Variants in TRPS1 observed in about 807,000 individuals in gnomAD.
The protein encoded by TRPS1 is transcriptional repressor GATA binding 1, also known as zinc finger transcription factor Trps1.
TRPS1 carries 6 observed loss-of-function variants against 101.2 expected under a neutral mutation model. That is an observed-to-expected ratio of 0.06 (90% CI 0.03 to 0.12). TRPS1 has a LOEUF of 0.12. Among genes scored for constraint, TRPS1 ranks in the 10% least tolerant of loss-of-function variants. TRPS1 has a pLI of 1.00. For missense variants in TRPS1, 1,363 were observed against 1,567.0 expected (o/e 0.87, Z 2.20); for synonymous variants, 578 against 589.8 (o/e 0.98, Z 0.29).
intron 5 of TRPS1, among the ~76,000 whole-genome samples, chr8:115,499,634 G>T (rs1815251764): frequency 6.6e-6 from 1 of 152,180 alleles, no homozygotes; most frequent in Non-Finnish European, 1.5e-5. Flanking sequence ...ACAAGCTAGG[G>T]ATTGACTCCT....
In TRPS1 at chr8:115,435,104, C is replaced by T. The variant is rs10505253; in HGVS notation, c.2701-16652G>A. Among the ~76,000 whole-genome samples, 643 of 152,076 alleles carry T rather than the reference C, an allele frequency of 4.2e-3. 10 individuals are homozygous for T. The highest frequency in any genetic ancestry group is 0.025 in the Admixed American group (382 of 15,270). On this transcript the variant is annotated intron_variant, in intron 5 of 6. Transcript: ENST00000395715. ...TATTAAACAAAGATGACAAGGCCTC[C>T]GAGTTTATACTTATGTTTCTACTTC...
intron 5 of TRPS1, among the ~76,000 whole-genome samples, chr8:115,565,592 C>T (rs1379048749): frequency 2.0e-5 from 3 of 150,594 alleles, no homozygotes; most frequent in Non-Finnish European, 4.4e-5. Flanking sequence ...AGTGAGTTCG[C>T]CAAAGTACTA....
At chr8:115,621,249 C>T (rs1490034123) in intron 2 of TRPS1, among the ~76,000 whole-genome samples, 1 of 152,200 alleles carries the variant, frequency 6.6e-6, no homozygotes, top group Non-Finnish European at 1.5e-5. Context: ...CTGTCGAGTG[C>T]TGTGTAAGTC....
At chr8:115,467,217 A>G (rs1167417064) in intron 5 of TRPS1, among the ~76,000 whole-genome samples, 1 of 152,152 alleles carries the variant, frequency 6.6e-6, no homozygotes, top group African/African-American at 2.4e-5. Context: ...TTTACAAGTT[A>G]CTTGATTCTG....
At chr8:115,520,795 G>T (rs966294999) in intron 5 of TRPS1, among the ~76,000 whole-genome samples, 1 of 151,766 alleles carries the variant, frequency 6.6e-6, no homozygotes, top group Non-Finnish European at 1.5e-5. Flanking sequence ...AGGTTAATGT[G>T]CCATTACCTT....
intron 4 of TRPS1, among the ~76,000 whole-genome samples, chr8:115,589,508 A>AC (rs1396765442): frequency 6.6e-6 from 1 of 152,248 alleles, no homozygotes; most frequent in African/African-American, 2.4e-5. Flanking sequence ...ATCCATATTT[A>AC]CTTTTTACAG....
chr8:115,645,623 C>CA (rs1431962388), intron 1 of TRPS1, among the ~76,000 whole-genome samples: 4 of 151,834 alleles, frequency 2.6e-5, no homozygotes, highest in African/African-American at 9.7e-5. Flanking sequence ...GAAATTAATG[C>CA]AAAAAAGTTA....
intron 1 of TRPS1, chr8:115,667,942 C>T: frequency 6.5e-7 from 1 of 1,531,428 alleles, no homozygotes; most frequent in Non-Finnish European, 8.7e-7. Context: ...GCAGTGGCGG[C>T]GGCGGCGGCG....
intron 5 of TRPS1, among the ~76,000 whole-genome samples, chr8:115,572,462 T>G (rs1449692042): frequency 1.4e-5 from 2 of 147,938 alleles, no homozygotes; most frequent in Non-Finnish European, 3.0e-5. Context: ...TTTTTTTTTG[T>G]TATTGTTGTT....
At chr8:115,627,814 A>G (rs1478688389) in intron 1 of TRPS1, among the ~76,000 whole-genome samples, 1 of 151,808 alleles carries the variant, frequency 6.6e-6, no homozygotes, top group Non-Finnish European at 1.5e-5. Flanking sequence ...TTCTCCCTTA[A>G]TAAATCTGTG....
rs1016917526 is a variant in TRPS1, at chr8:115,604,649, A to G, written c.1320T>C (p.Gly440=). 14 of 1,613,862 alleles carry G rather than the reference A, an allele frequency of 8.7e-6. No individual in the cohort carries two copies. The highest frequency in any genetic ancestry group is 1.2e-5 in the Non-Finnish European group (14 of 1,179,988). ...ACCAGTAGTAACTGGTGGCCTCTGT[A>G]CCATTTTGTCTAGAGGAATCGAGGG... The part of the protein sequence containing the change: ...IKPLDSSRQN[G]TEATSYYWCK... The change falls in exon 4 of 7, where the codon GGT becomes GGC. Residue 440 remains glycine, a synonymous_variant. Coordinates refer to ENST00000395715, the MANE Select transcript of TRPS1 (RefSeq NM_014112.5). The surrounding 1 kb of genome is among the most constrained non-coding windows in gnomAD (Gnocchi z 4.1).
At chr8:115,550,713 G>T (rs1216978132) in intron 5 of TRPS1, among the ~76,000 whole-genome samples, 1 of 152,112 alleles carries the variant, frequency 6.6e-6, no homozygotes, top group East Asian at 1.9e-4. Flanking sequence ...TGTTCTATTT[G>T]ACTTCTAAAG....
At chr8:115,459,165 G>A (rs1206444938) in intron 5 of TRPS1, among the ~76,000 whole-genome samples, 2 of 151,950 alleles carry the variant, frequency 1.3e-5, no homozygotes, top group African/African-American at 2.4e-5. Flanking sequence ...GTGAAACCCC[G>A]TCTCTACTAA....
intron 5 of TRPS1, among the ~76,000 whole-genome samples, chr8:115,504,168 A>AGAAAT (rs1367043340): frequency 6.6e-6 from 1 of 152,204 alleles, no homozygotes; most frequent in Admixed American, 6.5e-5. Flanking sequence ...CTCCAACTTC[A>AGAAAT]GAAATGTATT....
rs1357791484 is a variant in TRPS1, at chr8:115,604,074, C to A, written c.1895G>T (p.Cys632Phe). ...SSRVKHQCHQCSFTTPDVDVL... is the reference protein window; with the variant it reads ...SSRVKHQCHQFSFTTPDVDVL... The stretch of plus-strand genomic sequence containing the variant: ...ATCTACGTCAGGGGTGGTGAATGAA[C>A]ACTGATGGCACTGATGTTTGACTCG... The change falls in exon 4 of 7, where the codon TGT becomes TTT. Residue 632 changes from cysteine to phenylalanine, a missense_variant. By Grantham distance (205) the Cys-to-Phe change is radical (BLOSUM62 -2). Around this residue, in one of 5 missense-constraint regions of TRPS1, gnomAD observed 1,020 missense variants for 1,073.0 expected, o/e 0.95. Transcript: ENST00000395715. This position sits in a 1 kb window ranked among gnomAD's most constrained non-coding sequence, Gnocchi z 4.1. The A allele has an allele frequency of 6.2e-7, 1 of 1,614,042 alleles. No homozygotes were observed. Among genetic ancestry groups the A allele is most frequent in the Admixed American group, 1.7e-5 (1 of 59,972 alleles).
intron 5 of TRPS1, among the ~76,000 whole-genome samples, chr8:115,483,845 C>G (rs747533059): frequency 2.6e-5 from 4 of 152,090 alleles, no homozygotes; most frequent in Non-Finnish European, 4.4e-5. Flanking sequence ...CAATCAGCTC[C>G]CAGTAGCCTC....
Position 115,557,393 on chromosome 8 carries a change from G to A in TRPS1, c.2700+29608C>T, listed in dbSNP as rs1385874327. Among the ~76,000 whole-genome samples, 6 of 152,124 alleles carry A rather than the reference G, an allele frequency of 3.9e-5. No homozygotes were observed. The East Asian group carries it at 7.7e-4, about 20-fold the overall frequency. On this transcript the variant is annotated intron_variant, in intron 5 of 6. Transcript: ENST00000395715. ...CAAAATCTAAAAGCCTCTTAATACG[G>A]TTTGGCTATGTCCCACTCTAATCTC...
chr8:115,507,105 T>G (rs186423132), intron 5 of TRPS1, among the ~76,000 whole-genome samples: 1 of 152,222 alleles, frequency 6.6e-6, no homozygotes, highest in African/African-American at 2.4e-5. Flanking sequence ...TGTTCTACTG[T>G]CTGTCTGCAA....
At chr8:115,663,974 A>G (rs1467723844) in intron 1 of TRPS1, among the ~76,000 whole-genome samples, 1 of 152,092 alleles carries the variant, frequency 6.6e-6, no homozygotes, top group Non-Finnish European at 1.5e-5. Flanking sequence ...GTTCTCAGGA[A>G]TAGGAGAACA....
Sources: allele counts gnomAD v4.1 joint callset (sites outside exome capture counted in the v4.1 genomes callset), GRCh38; gene constraint gnomAD v4.1.1; regional missense constraint gnomAD v4.1.1; non-coding constraint Gnocchi (gnomAD v3.1); transcripts MANE v1.5; gene names NCBI Gene and HGNC (gene_info 2026-07-23, HGNC 2026-07-21).